Variants in SEC16B observed in about 807,000 individuals in gnomAD.
SEC16B encodes protein transport protein Sec16B.
In SEC16B, 115 loss-of-function variants were observed where a neutral mutation model predicts 141.8. That is an observed-to-expected ratio of 0.81 (90% CI 0.70 to 0.95). SEC16B has a LOEUF of 0.95. SEC16B is among the 40% of genes least tolerant of loss of function. SEC16B has a pLI of 0.00. For synonymous variants in SEC16B, 493 were observed against 492.5 expected, an observed-to-expected ratio of 1.00 and a Z score of -0.01; for missense variants, 1,291 against 1,312.3, an observed-to-expected ratio of 0.98 and a Z score of 0.25.
Position 177,967,795 on chromosome 1 carries a change from T to C in SEC16B, c.187A>G (p.Arg63Gly), listed in dbSNP as rs200925866. Residue 63 changes from arginine to glycine, a missense_variant, in exon 2 of 26, where the codon AGG (arginine) becomes GGG (glycine). This residue lies in a region of SEC16B where 681 missense variants were observed against 675.5 expected (regional missense o/e 1.01). Coordinates refer to ENST00000308284, the MANE Select transcript of SEC16B (RefSeq NM_033127.4). Reference sequence around the variant, plus strand: ...TGGGGCTGCTGCTGATGGTCTGCCCTGGGCTCCTGCTGTGGCTGGGGGCTC... The same window carrying C: ...TGGGGCTGCTGCTGATGGTCTGCCCCGGGCTCCTGCTGTGGCTGGGGGCTC... ...RGSPQPQQEP[R>G]ADHQQQPHYA... The C allele has an allele frequency of 1.2e-6, 2 of 1,614,020 alleles. No homozygotes were observed. Among genetic ancestry groups the C allele is most frequent in the African/African-American group, 1.3e-5 (1 of 75,058 alleles).
At chr1:177,979,392 C>T (rs924164627) in intron 1 of SEC16B, among the ~76,000 whole-genome samples, 1 of 152,180 alleles carries the variant, frequency 6.6e-6, no homozygotes, top group African/African-American at 2.4e-5. Flanking sequence ...GTTCCATGTA[C>T]AGAAATGGCC....
rs753697048 is a variant in SEC16B, at chr1:177,933,500, C to T, written c.2708G>A (p.Gly903Glu). The T allele has an allele frequency of 3.7e-6, 6 of 1,613,382 alleles. No individual in the cohort carries two copies. Among genetic ancestry groups the T allele is most frequent in the South Asian group, 1.1e-5 (1 of 90,862 alleles). ...NTAQRGKLGD[G>E]KEHTKSSGFG... The stretch of plus-strand genomic sequence containing the variant: ...TCCCTCCACCTTTGTATGCTCCTTC[C>T]CATCTCCGAGCTTGCCTCTCTGGGC... The change falls in exon 21 of 26, where the codon GGG becomes GAG. Residue 903 changes from glycine (G) to glutamate (E), a missense_variant. Gly to Glu is a moderately conservative substitution (Grantham distance 98, BLOSUM62 -2). Transcript: ENST00000308284.
At chr1:177,962,742 T>C (rs1378117645) in intron 5 of SEC16B, among the ~76,000 whole-genome samples, 1 of 151,870 alleles carries the variant, frequency 6.6e-6, no homozygotes, top group Non-Finnish European at 1.5e-5. Context: ...CAACACTCTG[T>C]CTCTAAATAA....
chr1:177,953,390 A>C (rs1051350079), intron 11 of SEC16B, among the ~76,000 whole-genome samples: 4 of 152,232 alleles, frequency 2.6e-5, no homozygotes, highest in African/African-American at 9.6e-5. Context: ...ATAGCTTCAC[A>C]GCTTTAACCA....
chr1:177,958,998 G>A (rs1652857131), intron 8 of SEC16B, 23 bp from the exon 9 acceptor site: 2 of 1,606,148 alleles, frequency 1.2e-6, no homozygotes, highest in Non-Finnish European at 1.7e-6. Context: ...AATTTAGGGA[G>A]CAAAGAGTGA....
In SEC16B at chr1:177,940,733, T is replaced by C; in HGVS notation, c.2023-19A>G. 1 of 1,584,446 alleles carries C rather than the reference T, an allele frequency of 6.3e-7. No homozygotes were observed. On this transcript the variant is annotated intron_variant, in intron 16 of 25. Transcript: ENST00000308284. Reference sequence around the variant, plus strand: ...CTGCTAGCTGTGCCAGGTTTCCAGATGGGTTAGGGGCAGAAAGTAAGAGAG... The same window carrying C: ...CTGCTAGCTGTGCCAGGTTTCCAGACGGGTTAGGGGCAGAAAGTAAGAGAG...
chr1:177,936,490 C>A, intron 19 of SEC16B, 125 bp from the exon 20 acceptor site: 1 of 786,060 alleles, frequency 1.3e-6, no homozygotes, highest in South Asian at 1.6e-5. Flanking sequence ...CCCATAAGCC[C>A]AAGCCAATCA....
chr1:177,952,383 C>T (rs1652260600), intron 11 of SEC16B, among the ~76,000 whole-genome samples: 2 of 152,124 alleles, frequency 1.3e-5, no homozygotes, highest in Admixed American at 1.3e-4. Flanking sequence ...TCAGCCATCC[C>T]GATCTCCCAC....
Position 177,937,292 on chromosome 1 carries a change from T to A in SEC16B, c.2425A>T (p.Thr809Ser). 3.1e-6 allele frequency: 5 copies of A among 1,613,886 alleles called. No homozygotes were observed. Among genetic ancestry groups the A allele is most frequent in the Non-Finnish European group, 4.2e-6 (5 of 1,179,858 alleles). ...TCTGTCACTGCCACGCTGCTGCCAG[T>A]CCCTGGTAGATGGGTCTCAGGAACT... is the stretch of plus-strand genomic sequence containing the variant. ...YSVPETHLPG[T>S]GSSVAVTEAT... Residue 809 changes from threonine to serine, a missense_variant, in exon 19 of 26, where the codon ACT (threonine) becomes TCT (serine). Transcript: ENST00000308284.
chr1:177,965,670 T>C (rs1017717086), intron 3 of SEC16B, among the ~76,000 whole-genome samples: 48 of 152,192 alleles, frequency 3.2e-4, no homozygotes, highest in African/African-American at 1.0e-3. Flanking sequence ...AAACTACCCA[T>C]AGTGCTAGTA....
intron 1 of SEC16B, among the ~76,000 whole-genome samples, chr1:177,969,304 C>G (rs1408658911): frequency 3.9e-5 from 6 of 152,160 alleles, no homozygotes; most frequent in Non-Finnish European, 8.8e-5. Context: ...TATGAGACGG[C>G]AGAACACACA....
intron 1 of SEC16B, among the ~76,000 whole-genome samples, chr1:177,978,802 T>G (rs571633789): frequency 2.4e-4 from 37 of 152,290 alleles, no homozygotes; most frequent in African/African-American, 8.9e-4. Context: ...TATTTAGCTT[T>G]TATCATAGCA....
intron 7 of SEC16B, 67 bp from the exon 8 acceptor site, chr1:177,960,470 T>C: frequency 8.8e-7 from 1 of 1,132,756 alleles, no homozygotes; most frequent in South Asian, 1.3e-5. Flanking sequence ...CAGTCAAGTC[T>C]AGTGTCAGAC....
At chr1:177,931,018 A>T (rs1022619226) in intron 24 of SEC16B, among the ~76,000 whole-genome samples, 15 of 152,234 alleles carry the variant, frequency 9.9e-5, no homozygotes, top group African/African-American at 3.4e-4. Context: ...CAGTATGAAG[A>T]TTCCTTAAAG....
intron 1 of SEC16B, among the ~76,000 whole-genome samples, chr1:177,979,242 A>T (rs1654302454): frequency 6.6e-6 from 1 of 152,264 alleles, no homozygotes; most frequent in South Asian, 2.1e-4. Flanking sequence ...CAGTGTAAAT[A>T]GGTTCATTCA....
chr1:177,968,174 G>A, intron 1 of SEC16B, 135 bp from the exon 2 acceptor site: 2 of 494,100 alleles, frequency 4.0e-6, no homozygotes, highest in Non-Finnish European at 7.1e-6. Context: ...CACGGATACA[G>A]AGAAATCTGA....
intron 1 of SEC16B, among the ~76,000 whole-genome samples, chr1:177,983,814 TG>T (rs1370752885): frequency 1.3e-5 from 2 of 152,212 alleles, no homozygotes; most frequent in African/African-American, 4.8e-5. Context: ...TCCCAAACAC[TG>T]TAACTGCTAA....
Position 177,958,863 on chromosome 1 carries a change from C to A in SEC16B, c.1111G>T (p.Val371Phe), listed in dbSNP as rs763214218. 1 of 1,613,660 alleles carries A rather than the reference C, an allele frequency of 6.2e-7. No homozygotes were observed. The highest frequency in any genetic ancestry group is 1.1e-5 in the South Asian group (1 of 91,048). Residue 371 changes from valine (V) to phenylalanine (F), a missense_variant, in exon 9 of 26, where the codon GTT (valine) becomes TTT (phenylalanine). Physicochemically the swap from Val to Phe is conservative, Grantham distance 50. This residue lies in a region of SEC16B where 681 missense variants were observed against 675.5 expected (regional missense o/e 1.01). Transcript: ENST00000308284. ...RDSALLWQLL[V>F]LLCRQNGSMV... ...ACCCCATTCTGGCGACAAAGGAGAA[C>A]CAAGAGCTGCCACAGTAGAGCTGAG... is the stretch of plus-strand genomic sequence containing the variant.
intron 7 of SEC16B, 54 bp downstream of exon 7, chr1:177,960,737 G>C: frequency 6.5e-7 from 1 of 1,528,682 alleles, no homozygotes; most frequent in East Asian, 2.4e-5. Context: ...AGCATGTTAG[G>C]AGTAGTTGGG....
Sources: allele counts gnomAD v4.1 joint callset (sites outside exome capture counted in the v4.1 genomes callset), GRCh38; gene constraint gnomAD v4.1.1; regional missense constraint gnomAD v4.1.1; transcripts MANE v1.5; gene names NCBI Gene and HGNC (gene_info 2026-07-23, HGNC 2026-07-21).